Variants in FAM120A observed in about 807,000 individuals in gnomAD.
The protein encoded by FAM120A is family with sequence similarity 120 member A.
In FAM120A, 15 loss-of-function variants were observed where a neutral mutation model predicts 109.7. That is an observed-to-expected ratio of 0.14 (90% CI 0.09 to 0.21). The LOEUF (loss-of-function observed/expected upper bound fraction) is 0.21. Ranked by LOEUF, FAM120A falls within the 10% of genes least tolerant of loss-of-function variation. The pLI is 1.00. For missense variants in FAM120A, 899 were observed against 1,439.3 expected (o/e 0.62, Z 6.07); for synonymous variants, 493 against 572.8 (o/e 0.86, Z 1.99).
intron 7 of FAM120A, among the ~76,000 whole-genome samples, chr9:93,525,484 C>T (rs1474443516): frequency 6.6e-6 from 1 of 152,188 alleles, no homozygotes; most frequent in Non-Finnish European, 1.5e-5. Context: ...CCACATGAGC[C>T]TTTAAGCTTA....
chr9:93,471,177 A>G lies in FAM120A; in HGVS notation c.511A>G (p.Ile171Val). ...CATTGAGGATCACCATCAGGAAGTG[A>G]TTGGTTTCTGCAGAGAGAATGGTTT... ...QSIEDHHQEV[I>V]GFCRENGFHG... The change falls in exon 2 of 18, where the codon ATT becomes GTT. Residue 171 changes from isoleucine to valine, a missense_variant. Ile to Val is a conservative substitution (Grantham distance 29). Transcript: ENST00000277165. 1 of 1,614,100 alleles carries G rather than the reference A, an allele frequency of 6.2e-7. No individual in the cohort carries two copies.
At position 93,564,701 on chromosome 9, in the gene FAM120A, A is replaced by G. The variant is rs1862580985; in HGVS notation, c.*161A>G. On this transcript the variant is annotated 3_prime_UTR_variant, in exon 18 of 18. Coordinates refer to ENST00000277165, the MANE Select transcript of FAM120A (RefSeq NM_014612.5). Reference sequence around the variant, plus strand: ...CTCTTTGATATCAGAGATTTAAACAACACATTTTTAGTTTTAACCAGTTGT... The same window carrying G: ...CTCTTTGATATCAGAGATTTAAACAGCACATTTTTAGTTTTAACCAGTTGT... 3.5e-6 allele frequency: 2 copies of G among 567,528 alleles called. No homozygotes were observed. Among genetic ancestry groups the G allele is most frequent in the Admixed American group, 7.1e-5 (2 of 27,974 alleles). The allele number at this position is 567,528 out of a possible 1,614,324, so 35.2% of individuals were successfully genotyped here.
At chr9:93,537,264 T>C (rs1429955820) in intron 10 of FAM120A, among the ~76,000 whole-genome samples, 1 of 152,170 alleles carries the variant, frequency 6.6e-6, no homozygotes, top group Admixed American at 6.5e-5. Context: ...GTTCTTTCTT[T>C]CCAGGGGTCA....
At chr9:93,537,986 A>G (rs994361998) in intron 10 of FAM120A, among the ~76,000 whole-genome samples, 16 of 152,096 alleles carry the variant, frequency 1.1e-4, no homozygotes, top group Non-Finnish European at 1.6e-4. Context: ...ATGACAGGCC[A>G]ATCTGTGATA....
chr9:93,509,352 T>C (rs1379437634), intron 5 of FAM120A, among the ~76,000 whole-genome samples: 1 of 152,010 alleles, frequency 6.6e-6, no homozygotes, highest in African/African-American at 2.4e-5. Flanking sequence ...GCCTCGGGGG[T>C]TGGGACTGAC....
intron 17 of FAM120A, among the ~76,000 whole-genome samples, chr9:93,563,451 G>A (rs1291855450): frequency 6.6e-6 from 1 of 152,232 alleles, no homozygotes; most frequent in Non-Finnish European, 1.5e-5. Context: ...ATTTTAATGG[G>A]TGAAGCCTAG....
At position 93,500,218 on chromosome 9, in the gene FAM120A, T is replaced by C. The variant is rs1437266163; in HGVS notation, c.1030+1332T>C. Among the ~76,000 whole-genome samples the C allele has an allele frequency of 1.3e-5, 2 of 152,248 alleles. No individual in the cohort carries two copies. The highest frequency in any genetic ancestry group is 2.9e-5 in the Non-Finnish European group (2 of 68,040). On this transcript the variant is annotated intron_variant, in intron 5 of 17. Coordinates refer to ENST00000277165, the MANE Select transcript of FAM120A (RefSeq NM_014612.5). This position sits in a 1 kb window ranked among gnomAD's most constrained non-coding sequence, Gnocchi z 4.6. ...CTACTCCCATGCTCAGAATTCCCCA[T>C]TGGCTTCCCGTCACACTTGGAATAA... is the stretch of plus-strand genomic sequence containing the variant.
chr9:93,543,619 G>T, intron 11 of FAM120A, 148 bp downstream of exon 11: 1 of 1,068,030 alleles, frequency 9.4e-7, no homozygotes, highest in South Asian at 1.8e-5. Context: ...TTATATATGT[G>T]ATAGAAATGT....
intron 5 of FAM120A, among the ~76,000 whole-genome samples, chr9:93,507,248 T>C (rs1475238864): frequency 6.6e-6 from 1 of 152,042 alleles, no homozygotes; most frequent in Non-Finnish European, 1.5e-5. Context: ...TCATAGGTTT[T>C]TGGGAGATGG....
intron 7 of FAM120A, among the ~76,000 whole-genome samples, chr9:93,526,496 C>G (rs1454802923): frequency 6.6e-6 from 1 of 151,830 alleles, no homozygotes; most frequent in African/African-American, 2.4e-5. Flanking sequence ...CTTCTCATCT[C>G]TTTTTCCTTA....
intron 3 of FAM120A, among the ~76,000 whole-genome samples, chr9:93,487,113 C>T (rs1859094518): frequency 6.6e-6 from 1 of 152,078 alleles, no homozygotes; most frequent in African/African-American, 2.4e-5. Flanking sequence ...AAATCCTTTG[C>T]TCATTTTAAA....
At position 93,452,197 on chromosome 9, in the gene FAM120A, C is replaced by T. The variant is rs752985300; in HGVS notation, c.282C>T (p.Val94=). 3.1e-6 allele frequency: 5 copies of T among 1,611,934 alleles called. No homozygotes were observed. Among genetic ancestry groups the T allele is most frequent in the African/African-American group, 1.3e-5 (1 of 74,978 alleles). ...ACFGGNIELF[V]FFNGALEKAR... ...TCGGCGGCAACATCGAGCTCTTCGTCTTCTTCAACGGCGCGCTCGAGAAGG... is the reference window on the plus strand; with the variant it reads ...TCGGCGGCAACATCGAGCTCTTCGTTTTCTTCAACGGCGCGCTCGAGAAGG... The change falls in exon 1 of 18, where the codon GTC becomes GTT. Residue 94 remains valine (V), a synonymous_variant. Coordinates refer to ENST00000277165, the MANE Select transcript of FAM120A (RefSeq NM_014612.5). This position sits in a 1 kb window ranked among gnomAD's most constrained non-coding sequence, Gnocchi z 7.0.
At chr9:93,559,667 G>A (rs1862406727) in intron 15 of FAM120A, among the ~76,000 whole-genome samples, 1 of 152,152 alleles carries the variant, frequency 6.6e-6, no homozygotes, top group South Asian at 2.1e-4. Flanking sequence ...CATGCAGCTC[G>A]CAGCCATGTT....
At chr9:93,533,293 A>G (rs929525579) in intron 10 of FAM120A, among the ~76,000 whole-genome samples, 8 of 152,222 alleles carry the variant, frequency 5.3e-5, no homozygotes, top group Non-Finnish European at 1.5e-5. Flanking sequence ...TAAGTTCATT[A>G]GATTTAAAAT....
intron 3 of FAM120A, among the ~76,000 whole-genome samples, chr9:93,494,421 G>A (rs1349053280): frequency 1.3e-5 from 2 of 152,150 alleles, no homozygotes; most frequent in Non-Finnish European, 2.9e-5. Flanking sequence ...CATCCTGCAC[G>A]TGGTTTCTAT....
chr9:93,501,766 G>A (rs994238545), intron 5 of FAM120A, among the ~76,000 whole-genome samples: 4 of 152,192 alleles, frequency 2.6e-5, no homozygotes, highest in South Asian at 2.1e-4. Context: ...TGGGAAGGAC[G>A]TTTTGTTTCA....
chr9:93,557,454 T>TA (rs1328888194), intron 13 of FAM120A, among the ~76,000 whole-genome samples: 1 of 152,094 alleles, frequency 6.6e-6, no homozygotes, highest in Non-Finnish European at 1.5e-5. Flanking sequence ...ACAGTGAAAT[T>TA]ACCAACAAAA....
At chr9:93,493,073 G>T (rs539668864) in intron 3 of FAM120A, among the ~76,000 whole-genome samples, 25 of 152,290 alleles carry the variant, frequency 1.6e-4, no homozygotes, top group African/African-American at 5.5e-4. Context: ...TGGCCCGGGA[G>T]GCTGACTTGT....
Position 93,451,788 on chromosome 9 carries a change from C to G in FAM120A, c.-128C>G, listed in dbSNP as rs1486897778. 1.1e-5 allele frequency: 11 copies of G among 979,092 alleles called. No individual in the cohort carries two copies. Among genetic ancestry groups the G allele is most frequent in the Non-Finnish European group, 1.3e-5 (11 of 827,478 alleles). The allele number at this position is 979,092 out of a possible 1,614,324, so 60.7% of individuals were successfully genotyped here. A position where few individuals can be genotyped will look rare whatever the true frequency, so the allele number is the denominator to read the frequency against. ...CGGCCGCGGCGGCCATGAGCGCGCC[C>G]CCGACCCGCCCCAGTCCCCCCTAGA... On this transcript the variant is annotated 5_prime_UTR_variant, in exon 1 of 18. Transcript: ENST00000277165.
Sources: gnomAD v4.1 joint callset for allele counts (sites outside exome capture counted in the v4.1 genomes callset) on GRCh38, gnomAD v4.1.1 for gene constraint, Gnocchi (gnomAD v3.1) non-coding constraint, MANE v1.5 for transcripts, NCBI Gene and HGNC (gene_info 2026-07-23, HGNC 2026-07-21) for gene names.